The following TRIM38 variants were observed in gnomAD, a reference collection of about 807,000 sequenced individuals.
TRIM38 encodes the protein tripartite motif containing 38.
TRIM38 carries 35 observed loss-of-function variants against 35.8 expected under a neutral mutation model. The observed-to-expected ratio is 0.98, with a 90% CI of 0.75 to 1.30. The LOEUF (loss-of-function observed/expected upper bound fraction) is 1.30, where lower values mean the gene tolerates loss of function less well. Ranked by LOEUF, TRIM38 falls within the 50% of genes most tolerant of loss-of-function variation. The pLI, the probability that TRIM38 is intolerant of heterozygous loss-of-function variation, is 0.00. For synonymous variants in TRIM38, 198 were observed against 204.7 expected (o/e 0.97, Z 0.28); for missense variants, 545 against 556.9 (o/e 0.98, Z 0.21).
At chr6:25,967,193 C>T (rs1439798019) in intron 3 of TRIM38, among the ~76,000 whole-genome samples, 1 of 152,114 alleles carries the variant, frequency 6.6e-6, no homozygotes, top group Non-Finnish European at 1.5e-5. Flanking sequence ...ACAGGTTGTT[C>T]TCAAACCAAA....
At chr6:25,972,763 A>G (rs966621659) in intron 5 of TRIM38, among the ~76,000 whole-genome samples, 7 of 152,206 alleles carry the variant, frequency 4.6e-5, no homozygotes, top group African/African-American at 1.7e-4. Context: ...GAGCATGGAC[A>G]AAGCTCCTGG....
chr6:25,979,823 A>C (rs1473253766), intron 7 of TRIM38, among the ~76,000 whole-genome samples: 1 of 152,052 alleles, frequency 6.6e-6, no homozygotes, highest in Non-Finnish European at 1.5e-5. Context: ...TAAGATAAGC[A>C]TTTAAAGCCT....
intron 3 of TRIM38, 40 bp downstream of exon 3, chr6:25,966,973 C>T: frequency 6.5e-7 from 1 of 1,533,944 alleles, no homozygotes; most frequent in South Asian, 1.3e-5. Flanking sequence ...AGTACCAAGT[C>T]TTATCCTGCT....
chr6:25,984,024 G>C lies in TRIM38; in HGVS notation c.*337G>C, dbSNP rs192565182. The C allele has an allele frequency of 9.7e-5, 19 of 196,444 alleles. No individual in the cohort carries two copies. Among genetic ancestry groups the C allele is most frequent in the Non-Finnish European group, 1.8e-4 (17 of 97,110 alleles). The allele number at this position is 196,444 out of a possible 1,614,324, so 12.2% of individuals were successfully genotyped here. ...AAGTCAGAAGGTCTGCGTTCTCCTAGTTTGTTTGCTGCCATTTGAACTCAT... is the reference window on the plus strand; with the variant it reads ...AAGTCAGAAGGTCTGCGTTCTCCTACTTTGTTTGCTGCCATTTGAACTCAT... On this transcript the variant is annotated 3_prime_UTR_variant, in exon 8 of 8. Coordinates refer to ENST00000357085, the MANE Select transcript of TRIM38 (RefSeq NM_006355.5).
At chr6:25,975,677 G>A in intron 7 of TRIM38, 1 of 977,754 alleles carries the variant, frequency 1.0e-6, no homozygotes, top group Non-Finnish European at 1.2e-6. Flanking sequence ...ACTTCTCTAG[G>A]TAGGGTGATC....
chr6:25,976,818 TAA>T (rs1426183995), intron 7 of TRIM38, among the ~76,000 whole-genome samples: 2 of 152,220 alleles, frequency 1.3e-5, no homozygotes, highest in Non-Finnish European at 2.9e-5. Context: ...ACAAGCAATA[TAA>T]GAGCTCTCAC....
At chr6:25,980,784 G>A (rs777056666) in intron 7 of TRIM38, among the ~76,000 whole-genome samples, 6 of 152,162 alleles carry the variant, frequency 3.9e-5, no homozygotes, top group Non-Finnish European at 8.8e-5. Flanking sequence ...AACAGTATAT[G>A]ACTATATTAT....
chr6:25,984,386 A>G lies in TRIM38; in HGVS notation c.*699A>G, dbSNP rs1760656476. The stretch of plus-strand genomic sequence containing the variant: ...CCTTGAAATATTTTAAAATCTCAGT[A>G]AATAGTTATTGCTGAAATGGCTGTT... On this transcript the variant is annotated 3_prime_UTR_variant, in exon 8 of 8. Transcript: ENST00000357085. 6.6e-6 allele frequency: 1 copy of G among 152,378 alleles called. No individual in the cohort carries two copies. Among genetic ancestry groups the G allele is most frequent in the African/African-American group, 2.4e-5 (1 of 41,456 alleles). The allele number at this position is 152,378 out of a possible 1,614,324, so 9.4% of individuals were successfully genotyped here.
Position 25,990,483 on chromosome 6 carries a change from G to A in TRIM38, c.*6796G>A, listed in dbSNP as rs917188202. On this transcript the variant is annotated 3_prime_UTR_variant, in exon 8 of 8. Transcript: ENST00000357085. ...ACCACCACACATGGCTCATTTTTTT[G>A]TATTGAGACAGGGTTTCTCCATGTT... 2 of 149,410 alleles carry A rather than the reference G, an allele frequency of 1.3e-5. No homozygotes were observed. Among genetic ancestry groups the A allele is most frequent in the African/African-American group, 4.9e-5 (2 of 40,540 alleles). 9.3% of individuals were successfully genotyped at this position (149,410 alleles called of 1,614,324 possible). A position where few individuals can be genotyped will look rare whatever the true frequency, so the allele number is the denominator to read the frequency against.
chr6:25,966,260 A>C (rs1760038575), intron 2 of TRIM38, 75 bp from the exon 3 acceptor site: 1 of 403,112 alleles, frequency 2.5e-6, no homozygotes. Context: ...AATGAGGGCA[A>C]CTTGAAACTC....
At position 25,988,496 on chromosome 6, in the gene TRIM38, CTTT is replaced by C. The variant is rs71544660; in HGVS notation, c.*4824_*4826del. The C allele has an allele frequency of 3.7e-3, 231 of 63,030 alleles. 16 individuals are homozygous for C. The highest frequency in any genetic ancestry group is 7.0e-3 in the Admixed American group (26 of 3,716). The allele number at this position is 63,030 out of a possible 1,614,324, so 3.9% of individuals were successfully genotyped here. A position where few individuals can be genotyped will look rare whatever the true frequency, so the allele number is the denominator to read the frequency against. Reference sequence around the variant, plus strand: ...TTTCTTTTTCTTTTTTCTTTTCTTTCTTTTTTTTTTTTTTTTTGAGACAGAGGA... The same window carrying C: ...TTTCTTTTTCTTTTTTCTTTTCTTTCTTTTTTTTTTTTTTGAGACAGAGGA... On this transcript the variant is annotated 3_prime_UTR_variant, in exon 8 of 8. Transcript: ENST00000357085.
At position 25,973,696 on chromosome 6, in the gene TRIM38, A is replaced by G. The variant is rs923960513; in HGVS notation, c.874+411A>G. On this transcript the variant is annotated intron_variant, in intron 7 of 7. Transcript: ENST00000357085. ...ATTAGATCTGATCATAGTGTTTATT[A>G]TCAATAGCTCAGCCAACTCTTAGAG... is the stretch of plus-strand genomic sequence containing the variant. 9.1e-6 allele frequency: 9 copies of G among 985,332 alleles called. No individual in the cohort carries two copies. The African/African-American group carries it at 1.4e-4, about 15-fold the overall frequency. 61.0% of individuals were successfully genotyped at this position (985,332 alleles called of 1,614,324 possible). A position where few individuals can be genotyped will look rare whatever the true frequency, so the allele number is the denominator to read the frequency against.
intron 7 of TRIM38, among the ~76,000 whole-genome samples, chr6:25,978,487 A>AAT (rs1035658602): frequency 6.6e-6 from 1 of 151,998 alleles, no homozygotes; most frequent in Non-Finnish European, 1.5e-5. Context: ...TGGTACATAT[A>AAT]ATATATATAT....
At chr6:25,975,774 T>A in intron 7 of TRIM38, 3 of 816,376 alleles carry the variant, frequency 3.7e-6, no homozygotes, top group Non-Finnish European at 4.4e-6. Flanking sequence ...TAATATTCCA[T>A]AAGAATATAA....
At chr6:25,975,696 T>C (rs1361838168) in intron 7 of TRIM38, 1 of 978,286 alleles carries the variant, frequency 1.0e-6, no homozygotes, top group Non-Finnish European at 1.2e-6. Flanking sequence ...TCTATATCTT[T>C]CCCTAAGTTT....
At chr6:25,972,914 G>T in intron 5 of TRIM38, 140 bp from the exon 6 acceptor site, 1 of 1,033,536 alleles carries the variant, frequency 9.7e-7, no homozygotes. Flanking sequence ...CTTTGTTTGA[G>T]TATCCATCAA....
chr6:25,982,853 G>A (rs1172803832), intron 7 of TRIM38, among the ~76,000 whole-genome samples: 1 of 152,168 alleles, frequency 6.6e-6, no homozygotes, highest in African/African-American at 2.4e-5. Flanking sequence ...TTGGGAGGCC[G>A]AGGTGGGTGG....
intron 2 of TRIM38, among the ~76,000 whole-genome samples, chr6:25,963,947 A>G (rs1372877828): frequency 6.6e-6 from 1 of 151,568 alleles, no homozygotes; most frequent in African/African-American, 2.4e-5. Flanking sequence ...ACAAAAAACA[A>G]CCGACCTTAT....
Position 25,989,484 on chromosome 6 carries a change from T to C in TRIM38, c.*5797T>C, listed in dbSNP as rs1760791696. On this transcript the variant is annotated 3_prime_UTR_variant, in exon 8 of 8. Transcript: ENST00000357085. ...TTCAAATTTTGAATTAATTGATCTT[T>C]GCTATTGTTAGCAAGGTCTTGTATT... The C allele has an allele frequency of 6.6e-6, 1 of 151,562 alleles. No homozygotes were observed. The highest frequency in any genetic ancestry group is 1.5e-5 in the Non-Finnish European group (1 of 67,940). The allele number at this position is 151,562 out of a possible 1,614,324, so 9.4% of individuals were successfully genotyped here. A position where few individuals can be genotyped will look rare whatever the true frequency, so the allele number is the denominator to read the frequency against.
Sources: allele counts gnomAD v4.1 joint callset (sites outside exome capture counted in the v4.1 genomes callset), GRCh38; gene constraint gnomAD v4.1.1; transcripts MANE v1.5; gene names NCBI Gene and HGNC (gene_info 2026-07-23, HGNC 2026-07-21).